Variants in UBE2QL1 observed in about 807,000 individuals in gnomAD.
The protein encoded by UBE2QL1 is ubiquitin conjugating enzyme E2 QL1.
UBE2QL1 carries 5 observed loss-of-function variants against 12.6 expected under a neutral mutation model. The ratio of observed to expected loss-of-function variants is 0.40; its 90% CI spans 0.21 to 0.83. The LOEUF is 0.83. Ranked by LOEUF, UBE2QL1 falls within the 40% of genes least tolerant of loss-of-function variation. The probability of loss-of-function intolerance (pLI) is 0.37; values close to 1 mark genes in which losing one functional copy is unlikely to be tolerated. For missense variants in UBE2QL1, 99 were observed against 222.6 expected (o/e 0.44, Z 3.53); for synonymous variants, 96 against 94.5 (o/e 1.02, Z -0.10).
chr5:6,470,347 G>C (rs1739885371), intron 1 of UBE2QL1, among the ~76,000 whole-genome samples: 1 of 152,174 alleles, frequency 6.6e-6, no homozygotes. Flanking sequence ...ACGTGACTGT[G>C]TGCAGAATTA....
chr5:6,489,581 C>T (rs749254886), intron 1 of UBE2QL1, among the ~76,000 whole-genome samples: 19 of 152,190 alleles, frequency 1.2e-4, no homozygotes, highest in Non-Finnish European at 2.6e-4. Context: ...GCCTGTGTGT[C>T]CACTGTTGAA....
intron 1 of UBE2QL1, among the ~76,000 whole-genome samples, chr5:6,487,098 A>C (rs1734481152): frequency 6.6e-6 from 1 of 152,220 alleles, no homozygotes; most frequent in Non-Finnish European, 1.5e-5. Context: ...CATTGAATGA[A>C]TGCATAAATG....
intron 1 of UBE2QL1, among the ~76,000 whole-genome samples, chr5:6,486,063 C>T (rs1477685455): frequency 6.6e-6 from 1 of 152,086 alleles, no homozygotes; most frequent in Non-Finnish European, 1.5e-5. Flanking sequence ...ATAAGAAGCC[C>T]CATTTATTGT....
At chr5:6,454,690 T>G (rs1739481187) in intron 1 of UBE2QL1, among the ~76,000 whole-genome samples, 1 of 152,132 alleles carries the variant, frequency 6.6e-6, no homozygotes, top group Non-Finnish European at 1.5e-5. Flanking sequence ...GAGAGATGGC[T>G]GCACACCCGG....
intron 1 of UBE2QL1, among the ~76,000 whole-genome samples, chr5:6,462,662 C>G (rs1299511444): frequency 6.6e-6 from 1 of 152,192 alleles, no homozygotes; most frequent in Middle Eastern, 3.2e-3. Context: ...TATTGGAGGG[C>G]TCAAGGAAGA....
intron 1 of UBE2QL1, among the ~76,000 whole-genome samples, chr5:6,475,614 C>T (rs1734212952): frequency 6.8e-6 from 1 of 147,936 alleles, no homozygotes. Flanking sequence ...GGTGGAGTCT[C>T]ACTGAGAGCT....
At chr5:6,467,669 T>TG (rs34822266) in intron 1 of UBE2QL1, among the ~76,000 whole-genome samples, 148,364 of 152,260 alleles carry the variant, frequency 0.97, 72,413 homozygotes, top group Middle Eastern at 1. Flanking sequence ...TATGAGTTTG[T>TG]TCATTTGTCT....
intron 1 of UBE2QL1, among the ~76,000 whole-genome samples, chr5:6,461,548 C>CG (rs528412815): frequency 8.4e-6 from 1 of 118,772 alleles, no homozygotes; most frequent in South Asian, 3.5e-4. Context: ...CCACCACCCC[C>CG]CCCCGCCGGC....
At position 6,461,545 on chromosome 5, in the gene UBE2QL1, C is replaced by G. The variant is rs1007807636; in HGVS notation, c.354+12298C>G. 1.2e-4 allele frequency among the ~76,000 whole-genome samples: 13 copies of G among 108,568 alleles called. 3 individuals are homozygous for G. The highest frequency in any genetic ancestry group is 3.9e-4 in the South Asian group (1 of 2,564). The allele number at this position is 108,568 out of a possible 152,430, so 71.2% of individuals were successfully genotyped here. On this transcript the variant is annotated intron_variant, in intron 1 of 1. Transcript: ENST00000399816. ...CCCAGTGTTTTTCAGCACCCACCACCCCCCCCCGCCGGCATATCATTCTAG... is the reference window on the plus strand; with the variant it reads ...CCCAGTGTTTTTCAGCACCCACCACGCCCCCCCGCCGGCATATCATTCTAG...
rs1734612555 is a variant in UBE2QL1, at chr5:6,493,293, A to T, written c.*1944A>T. ...TGGAATTACACTGTGGAGATGAAAG[A>T]CCTAGGACAGAAACATCTTGCTAGG... On this transcript the variant is annotated 3_prime_UTR_variant, in exon 2 of 2. Transcript: ENST00000399816. The T allele has an allele frequency of 6.6e-6, 1 of 152,262 alleles. No homozygotes were observed. Among genetic ancestry groups the T allele is most frequent in the African/African-American group, 2.4e-5 (1 of 41,474 alleles). The allele number at this position is 152,262 out of a possible 1,614,324, so 9.4% of individuals were successfully genotyped here. A position where few individuals can be genotyped will look rare whatever the true frequency, so the allele number is the denominator to read the frequency against.
Position 6,465,926 on chromosome 5 carries a change from A to G in UBE2QL1, c.354+16679A>G, listed in dbSNP as rs184562289. 2.7e-3 allele frequency among the ~76,000 whole-genome samples: 414 copies of G among 151,982 alleles called. 2 individuals are homozygous for G. Among genetic ancestry groups the G allele is most frequent in the African/African-American group, 9.7e-3 (404 of 41,442 alleles). On this transcript the variant is annotated intron_variant, in intron 1 of 1. Coordinates refer to ENST00000399816, the MANE Select transcript of UBE2QL1 (RefSeq NM_001145161.3). ...CGTTTCCACTTTCTCCTCTCAGTGTATTTGCTCCCTTCCTTCCCCCGACAC... is the reference window on the plus strand; with the variant it reads ...CGTTTCCACTTTCTCCTCTCAGTGTGTTTGCTCCCTTCCTTCCCCCGACAC...
rs184000329 is a variant in UBE2QL1, at chr5:6,491,525, G to T, written c.*176G>T. 2.5e-5 allele frequency: 19 copies of T among 763,850 alleles called. No homozygotes were observed. The African/African-American group carries it at 3.4e-4, about 14-fold the overall frequency. The allele number at this position is 763,850 out of a possible 1,614,324, so 47.3% of individuals were successfully genotyped here. A position where few individuals can be genotyped will look rare whatever the true frequency, so the allele number is the denominator to read the frequency against. ...AGATGTGTGTACAGAGAGGAAGAGGGAGCAAATGCCGTTCGGATTATGTTT... is the reference window on the plus strand; with the variant it reads ...AGATGTGTGTACAGAGAGGAAGAGGTAGCAAATGCCGTTCGGATTATGTTT... On this transcript the variant is annotated 3_prime_UTR_variant, in exon 2 of 2. Coordinates refer to ENST00000399816, the MANE Select transcript of UBE2QL1 (RefSeq NM_001145161.3).
intron 1 of UBE2QL1, 115 bp downstream of exon 1, chr5:6,449,362 CCTGCTCT>C: frequency 9.8e-7 from 1 of 1,024,988 alleles, no homozygotes; most frequent in Non-Finnish European, 1.3e-6. Context: ...CATCTCGCTC[CCTGCTCT>C]GACTACACCA....
intron 1 of UBE2QL1, among the ~76,000 whole-genome samples, chr5:6,467,469 C>A (rs1219281655): frequency 6.6e-6 from 1 of 152,156 alleles, no homozygotes; most frequent in East Asian, 1.9e-4. Flanking sequence ...TGAATTTCCT[C>A]TTCCTAGAGG....
chr5:6,458,882 C>T (rs908045209), intron 1 of UBE2QL1, among the ~76,000 whole-genome samples: 2 of 152,172 alleles, frequency 1.3e-5, no homozygotes, highest in East Asian at 3.9e-4. Context: ...TGTATTTAAC[C>T]TGGCTTTGTG....
chr5:6,455,999 G>A (rs751313050), intron 1 of UBE2QL1, among the ~76,000 whole-genome samples: 4 of 152,138 alleles, frequency 2.6e-5, no homozygotes, highest in African/African-American at 4.8e-5. Flanking sequence ...CTCCACCCTC[G>A]ATGAGACGCA....
intron 1 of UBE2QL1, among the ~76,000 whole-genome samples, chr5:6,459,095 T>C (rs983591085): frequency 5.9e-5 from 9 of 152,046 alleles, no homozygotes; most frequent in Admixed American, 5.9e-4. Context: ...CTAAAACTAA[T>C]GCAGGAGAGC....
In UBE2QL1 at chr5:6,492,615, T is replaced by A. The variant is rs975895122; in HGVS notation, c.*1266T>A. The A allele has an allele frequency of 6.6e-6, 1 of 152,254 alleles. No individual in the cohort carries two copies. The highest frequency in any genetic ancestry group is 1.5e-5 in the Non-Finnish European group (1 of 68,038). 9.4% of individuals were successfully genotyped at this position (152,254 alleles called of 1,614,324 possible). ...CTGATACACTGCCTCAAGGATCCAG[T>A]CATTGTGGGCTATCCTTCCATTTAA... On this transcript the variant is annotated 3_prime_UTR_variant, in exon 2 of 2. Transcript: ENST00000399816.
intron 1 of UBE2QL1, among the ~76,000 whole-genome samples, chr5:6,474,755 A>T (rs1166357056): frequency 6.6e-6 from 1 of 152,172 alleles, no homozygotes; most frequent in African/African-American, 2.4e-5. Context: ...GGCAGTGAGC[A>T]CTTTAGTACT....
Sources: allele counts gnomAD v4.1 joint callset (sites outside exome capture counted in the v4.1 genomes callset), GRCh38; gene constraint gnomAD v4.1.1; transcripts MANE v1.5; gene names NCBI Gene and HGNC (gene_info 2026-07-23, HGNC 2026-07-21).